Variants in ROCK1 observed in about 807,000 individuals in gnomAD.
The protein encoded by ROCK1 is Rho associated coiled-coil containing protein kinase 1.
In ROCK1, 36 loss-of-function variants were observed where a neutral mutation model predicts 196.8. That is an observed-to-expected ratio of 0.18 (90% CI 0.14 to 0.24). ROCK1 has a LOEUF of 0.24. ROCK1 is among the 10% of genes least tolerant of loss of function. The probability of loss-of-function intolerance (pLI) is 1.00; values close to 1 mark genes in which losing one functional copy is unlikely to be tolerated. For synonymous variants in ROCK1, 443 were observed against 515.9 expected, an observed-to-expected ratio of 0.86 and a Z score of 1.91; for missense variants, 920 against 1,562.0, an observed-to-expected ratio of 0.59 and a Z score of 6.93.
At position 20,982,852 on chromosome 18, in the gene ROCK1, C is replaced by T. The variant is rs764710521; in HGVS notation, c.2490-20G>A. ...TACTGTCTTCAGATGAAAAGAAAAA[C>T]AAGTGAACAAACGCTCCTACTTATA... On this transcript the variant is annotated intron_variant, in intron 20 of 32. Coordinates refer to ENST00000399799, the MANE Select transcript of ROCK1 (RefSeq NM_005406.3). 4 of 1,253,208 alleles carry T rather than the reference C, an allele frequency of 3.2e-6. No homozygotes were observed. The highest frequency in any genetic ancestry group is 1.2e-6 in the Non-Finnish European group (1 of 867,544). 77.6% of individuals were successfully genotyped at this position (1,253,208 alleles called of 1,614,324 possible). A position where few individuals can be genotyped will look rare whatever the true frequency, so the allele number is the denominator to read the frequency against.
At chr18:21,033,014 C>T (rs2036023134) in intron 9 of ROCK1, among the ~76,000 whole-genome samples, 1 of 151,836 alleles carries the variant, frequency 6.6e-6, no homozygotes, top group African/African-American at 2.4e-5. Context: ...GGCAACATAG[C>T]AAGACCCCAG....
intron 2 of ROCK1, among the ~76,000 whole-genome samples, chr18:21,061,455 T>G (rs1163073049): frequency 6.6e-6 from 1 of 152,150 alleles, no homozygotes; most frequent in Non-Finnish European, 1.5e-5. Flanking sequence ...TTAATGACAT[T>G]CTGGAAAAGG....
At chr18:21,042,837 G>T (rs2143505344) in intron 6 of ROCK1, 128 bp from the exon 7 acceptor site, 1 of 907,348 alleles carries the variant, frequency 1.1e-6, no homozygotes, top group Non-Finnish European at 1.6e-6. Context: ...TATTAAAACT[G>T]AATGGAAACC....
At chr18:21,057,894 T>G (rs2036257358) in intron 2 of ROCK1, among the ~76,000 whole-genome samples, 1 of 152,152 alleles carries the variant, frequency 6.6e-6, no homozygotes, top group Admixed American at 6.5e-5. Flanking sequence ...TTCTAGGAAT[T>G]TATCCTAAGG....
At position 20,968,598 on chromosome 18, in the gene ROCK1, G is replaced by A. The variant is rs73959759; in HGVS notation, c.3003+174C>T. 1.6e-3 allele frequency: 873 copies of A among 555,308 alleles called. 5 individuals carry two copies. Among genetic ancestry groups the A allele is most frequent in the African/African-American group, 0.013 (674 of 51,328 alleles). 34.4% of individuals were successfully genotyped at this position (555,308 alleles called of 1,614,324 possible). A position where few individuals can be genotyped will look rare whatever the true frequency, so the allele number is the denominator to read the frequency against. On this transcript the variant is annotated intron_variant, in intron 25 of 32. Coordinates refer to ENST00000399799, the MANE Select transcript of ROCK1 (RefSeq NM_005406.3). ...TGGGATTACAGGCATGAGCCACCGC[G>A]CCTGGCCTTGAAATTCTATTTCACA...
chr18:21,110,590 T>C (rs1439170750), intron 1 of ROCK1, among the ~76,000 whole-genome samples: 1 of 152,186 alleles, frequency 6.6e-6, no homozygotes, highest in Non-Finnish European at 1.5e-5. Context: ...ACTCATGAAC[T>C]GAGTCAGAAT....
intron 29 of ROCK1, among the ~76,000 whole-genome samples, chr18:20,957,406 A>C (rs1466200439): frequency 6.6e-6 from 1 of 152,284 alleles, no homozygotes. Context: ...CCATTTATAT[A>C]AAGTTCTAGA....
Position 21,111,749 on chromosome 18 carries a change from G to T in ROCK1, c.-839C>A, listed in dbSNP as rs907741484. 1.3e-5 allele frequency: 2 copies of T among 152,386 alleles called. No homozygotes were observed. The highest frequency in any genetic ancestry group is 2.4e-5 in the African/African-American group (1 of 41,430). The allele number at this position is 152,386 out of a possible 1,614,324, so 9.4% of individuals were successfully genotyped here. A position where few individuals can be genotyped will look rare whatever the true frequency, so the allele number is the denominator to read the frequency against. ...CGAATGCCTGGGGGGTGGGGCGAGG[G>T]GGGCTGAGAGGGACTAATATGTCCG... On this transcript the variant is annotated 5_prime_UTR_variant, in exon 1 of 33. Coordinates refer to ENST00000399799, the MANE Select transcript of ROCK1 (RefSeq NM_005406.3). The surrounding 1 kb of genome is among the most constrained non-coding windows in gnomAD (Gnocchi z 4.2).
At chr18:21,070,814 C>G (rs1365989794) in intron 1 of ROCK1, among the ~76,000 whole-genome samples, 2 of 152,154 alleles carry the variant, frequency 1.3e-5, no homozygotes, top group African/African-American at 2.4e-5. Context: ...CCTTCTAAGT[C>G]TGCCAGGCCC....
At chr18:21,060,251 TG>T (rs1274202958) in intron 2 of ROCK1, among the ~76,000 whole-genome samples, 3 of 151,524 alleles carry the variant, frequency 2.0e-5, no homozygotes, top group Non-Finnish European at 4.4e-5. Flanking sequence ...AGTTTGGCAA[TG>T]ATTTTTATAT....
intron 1 of ROCK1, among the ~76,000 whole-genome samples, chr18:21,090,597 A>G (rs2036561274): frequency 6.6e-6 from 1 of 152,226 alleles, no homozygotes; most frequent in South Asian, 2.1e-4. Context: ...CAGTTTTAAA[A>G]TGTTATCCCC....
Position 20,948,780 on chromosome 18 carries a change from G to A in ROCK1, c.*2604C>T, listed in dbSNP as rs565863548. The A allele has an allele frequency of 6.6e-6, 1 of 152,330 alleles. No individual in the cohort carries two copies. Among genetic ancestry groups the A allele is most frequent in the Admixed American group, 6.5e-5 (1 of 15,296 alleles). The allele number at this position is 152,330 out of a possible 1,614,324, so 9.4% of individuals were successfully genotyped here. A position where few individuals can be genotyped will look rare whatever the true frequency, so the allele number is the denominator to read the frequency against. ...AATTTTGGCCACGTAGATGCACCTA[G>A]AGAAGGCAGACGTGAGATGCAGGCT... is the stretch of plus-strand genomic sequence containing the variant. On this transcript the variant is annotated 3_prime_UTR_variant, in exon 33 of 33. Coordinates refer to ENST00000399799, the MANE Select transcript of ROCK1 (RefSeq NM_005406.3).
At chr18:21,102,208 C>T (rs1298095371) in intron 1 of ROCK1, among the ~76,000 whole-genome samples, 3 of 152,134 alleles carry the variant, frequency 2.0e-5, no homozygotes, top group Non-Finnish European at 4.4e-5. Context: ...TGTTTGTCTA[C>T]GCAAGATCCC....
rs568511612 is a variant in ROCK1 at position 21,111,044 on chromosome 18, T to A, written c.-134A>T. ...CTCAGGGTCACCAGGTGCGCCCGGT[T>A]CCCCCGTCTTCCCCTCACTGAGGGG... On this transcript the variant is annotated 5_prime_UTR_variant, in exon 1 of 33. Coordinates refer to ENST00000399799, the MANE Select transcript of ROCK1 (RefSeq NM_005406.3). The surrounding 1 kb of genome is among the most constrained non-coding windows in gnomAD (Gnocchi z 4.2). 1.2e-5 allele frequency: 8 copies of A among 663,854 alleles called. No homozygotes were observed. The highest frequency in any genetic ancestry group is 7.0e-5 in the South Asian group (4 of 57,348). 41.1% of individuals were successfully genotyped at this position (663,854 alleles called of 1,614,324 possible).
intron 29 of ROCK1, among the ~76,000 whole-genome samples, chr18:20,959,157 T>A (rs1448407444): frequency 4.3e-5 from 3 of 69,434 alleles, no homozygotes; most frequent in Middle Eastern, 5.6e-3. Context: ...AATATATATA[T>A]TATATATTAT....
intron 13 of ROCK1, among the ~76,000 whole-genome samples, chr18:21,009,320 G>GA (rs2035796841): frequency 7.1e-6 from 1 of 140,980 alleles, no homozygotes; most frequent in Non-Finnish European, 1.6e-5. Context: ...GCCAAGACAG[G>GA]TTTTTTTTTT....
At chr18:21,043,690 G>A (rs1265384728) in intron 6 of ROCK1, among the ~76,000 whole-genome samples, 4 of 150,558 alleles carry the variant, frequency 2.7e-5, no homozygotes, top group African/African-American at 9.7e-5. Context: ...AAAATAAGCA[G>A]TAAAATCTTT....
At chr18:21,078,363 CACACACACACAG>C (rs1342198451) in intron 1 of ROCK1, among the ~76,000 whole-genome samples, 2 of 148,166 alleles carry the variant, frequency 1.3e-5, no homozygotes, top group African/African-American at 2.6e-5. Flanking sequence ...CACACACACA[CACACACACACAG>C]AGAGAGAGAG....
chr18:21,066,970 T>C (rs1344829475), intron 2 of ROCK1, among the ~76,000 whole-genome samples: 1 of 152,238 alleles, frequency 6.6e-6, no homozygotes, highest in Non-Finnish European at 1.5e-5. Context: ...GGTCATATAG[T>C]AAAGTGCATG....
Sources: gnomAD v4.1 joint callset for allele counts (sites outside exome capture counted in the v4.1 genomes callset) on GRCh38, gnomAD v4.1.1 for gene constraint, Gnocchi (gnomAD v3.1) non-coding constraint, MANE v1.5 for transcripts, NCBI Gene and HGNC (gene_info 2026-07-23, HGNC 2026-07-21) for gene names.